CEP97: variants seen among roughly 807,000 people sequenced by gnomAD.
CEP97 encodes centrosomal protein 97.
Under a neutral mutation model 73.1 loss-of-function variants are expected in CEP97, and 43 were observed. The ratio of observed to expected loss-of-function variants is 0.59; its 90% confidence interval spans 0.46 to 0.76. CEP97 has a LOEUF of 0.76. CEP97 is among the 30% of genes least tolerant of loss of function. The pLI is 0.00. For synonymous variants in CEP97, 337 were observed against 370.0 expected, an observed-to-expected ratio of 0.91 and a Z score of 1.02; for missense variants, 939 against 1,014.0, an observed-to-expected ratio of 0.93 and a Z score of 1.00.
chr3:101,732,637 GA>G lies in CEP97; in HGVS notation c.712del (p.Ile238PhefsTer7). 1 of 1,606,238 alleles carries G rather than the reference GA, an allele frequency of 6.2e-7. No individual in the cohort carries two copies. Among genetic ancestry groups the G allele is most frequent in the Non-Finnish European group, 8.5e-7 (1 of 1,175,208 alleles). On this transcript the variant is annotated frameshift_variant, in exon 6 of 11. Transcript: ENST00000341893. LOFTEE classifies it high-confidence loss of function. The part of the protein sequence containing the change: ...LNLRVLDGYV[I>X]SQKESLKAEW... The stretch of plus-strand genomic sequence containing the variant: ...ACCTCAGAGTCCTAGATGGATATGT[GA>G]TTTCTCAGAAGGAAAGGTAAACATG...
intron 4 of CEP97, among the ~76,000 whole-genome samples, chr3:101,729,138 G>A (rs946818542): frequency 7.2e-5 from 11 of 152,108 alleles, no homozygotes; most frequent in Non-Finnish European, 7.4e-5. Flanking sequence ...GAGCTCAGAA[G>A]TTCAAGACTA....
intron 6 of CEP97, among the ~76,000 whole-genome samples, chr3:101,747,322 C>T (rs578145551): frequency 9.4e-5 from 14 of 148,950 alleles, no homozygotes; most frequent in African/African-American, 1.5e-4. Flanking sequence ...TGCAGTGGCA[C>T]GATCTCGGCT....
intron 4 of CEP97, among the ~76,000 whole-genome samples, chr3:101,730,708 A>G (rs1938082842): frequency 6.6e-6 from 1 of 152,168 alleles, no homozygotes; most frequent in Non-Finnish European, 1.5e-5. Flanking sequence ...TGTATCATGC[A>G]GTCAAATAAG....
At chr3:101,748,627 T>C (rs753737938) in intron 6 of CEP97, among the ~76,000 whole-genome samples, 12 of 152,164 alleles carry the variant, frequency 7.9e-5, no homozygotes, top group Non-Finnish European at 1.5e-4. Context: ...TCCACAGGGA[T>C]GTTTCCATGG....
At chr3:101,751,361 G>T (rs1055309871) in intron 6 of CEP97, among the ~76,000 whole-genome samples, 2 of 152,130 alleles carry the variant, frequency 1.3e-5, no homozygotes, top group Non-Finnish European at 2.9e-5. Flanking sequence ...AATAGGTGTG[G>T]TGTGGTGCTG....
chr3:101,762,610 T>TATATTCATTGAG, intron 10 of CEP97, 50 bp downstream of exon 10: 1 of 1,374,052 alleles, frequency 7.3e-7, no homozygotes, highest in Non-Finnish European at 1.0e-6. Context: ...ATACAGATTC[T>TATATTCATTGAG]ATATTCATTG....
chr3:101,758,470 G>A, intron 9 of CEP97, 47 bp downstream of exon 9: 1 of 1,598,178 alleles, frequency 6.3e-7, no homozygotes, highest in South Asian at 1.1e-5. Flanking sequence ...GTTTGAGGGT[G>A]TTAGATTCTT....
chr3:101,735,825 C>T (rs2107142167), intron 6 of CEP97, among the ~76,000 whole-genome samples: 1 of 152,190 alleles, frequency 6.6e-6, no homozygotes, highest in African/African-American at 2.4e-5. Flanking sequence ...CCCAGTGGCG[C>T]CTGGAACACC....
chr3:101,749,791 T>G (rs1183140913), intron 6 of CEP97, among the ~76,000 whole-genome samples: 1 of 142,802 alleles, frequency 7.0e-6, no homozygotes, highest in Non-Finnish European at 1.5e-5. Context: ...CATAAATGTC[T>G]TCTTTTGAGA....
chr3:101,724,645 C>T lies in CEP97; in HGVS notation c.-32C>T, dbSNP rs769300227. ...CAAGCTCCACAGAGCCGCGGGAGGA[C>T]GGTTGCCTGGTATTATTAGCAAGCA... On this transcript the variant is annotated 5_prime_UTR_variant, in exon 1 of 11. In the 5' UTR this introduces an upstream ATG that the reference lacks. Coordinates refer to ENST00000341893, the MANE Select transcript of CEP97 (RefSeq NM_024548.4). 6.8e-6 allele frequency: 11 copies of T among 1,613,806 alleles called. No homozygotes were observed. Among genetic ancestry groups the T allele is most frequent in the South Asian group, 3.3e-5 (3 of 91,062 alleles).
intron 6 of CEP97, among the ~76,000 whole-genome samples, chr3:101,750,647 G>GT (rs1362255072): frequency 2.0e-5 from 3 of 152,186 alleles, no homozygotes; most frequent in Non-Finnish European, 4.4e-5. Context: ...TTGGGAGGGT[G>GT]TATGTGTCGA....
Position 101,733,623 on chromosome 3 carries a change from C to T in CEP97, c.728+969C>T, listed in dbSNP as rs1028987769. Among the ~76,000 whole-genome samples, 95 of 151,086 alleles carry T rather than the reference C, an allele frequency of 6.3e-4. 1 individual carries two copies. Among genetic ancestry groups the T allele is most frequent in the African/African-American group, 2.2e-3 (90 of 41,310 alleles). On this transcript the variant is annotated intron_variant, in intron 6 of 10. Transcript: ENST00000341893. ...TCGGCTCACTGCAAGCTCCGCCTCCCGGGTTCACGCCATTCTCCTGCCTCA... is the reference window on the plus strand; with the variant it reads ...TCGGCTCACTGCAAGCTCCGCCTCCTGGGTTCACGCCATTCTCCTGCCTCA...
intron 3 of CEP97, among the ~76,000 whole-genome samples, 196 bp downstream of exon 3, chr3:101,727,737 T>G (rs1241844792): frequency 6.6e-6 from 1 of 152,204 alleles, no homozygotes; most frequent in Non-Finnish European, 1.5e-5. Flanking sequence ...GAACAAAGAA[T>G]CTATATTGTA....
intron 6 of CEP97, among the ~76,000 whole-genome samples, chr3:101,743,430 C>T (rs1938516975): frequency 6.6e-6 from 1 of 151,860 alleles, no homozygotes; most frequent in Non-Finnish European, 1.5e-5. Flanking sequence ...GAGTGTTGCT[C>T]TGTTTCCCAG....
At chr3:101,758,603 TATCTCCTCATCTCCATCC>T in intron 9 of CEP97, 180 bp downstream of exon 9, 1 of 665,166 alleles carries the variant, frequency 1.5e-6, no homozygotes, top group Non-Finnish European at 2.5e-6. Flanking sequence ...CTATCTGCTC[TATCTCCTCATCTCCATCC>T]CCAGCAAAGC....
chr3:101,747,487 C>T (rs1938659096), intron 6 of CEP97, among the ~76,000 whole-genome samples: 1 of 151,640 alleles, frequency 6.6e-6, no homozygotes, highest in Non-Finnish European at 1.5e-5. Flanking sequence ...TCTCGATCTC[C>T]TGACCTTGTG....
At position 101,724,625 on chromosome 3, in the gene CEP97, T is replaced by G. The variant is rs1388279723; in HGVS notation, c.-52T>G. 2 of 1,609,596 alleles carry G rather than the reference T, an allele frequency of 1.2e-6. No homozygotes were observed. Among genetic ancestry groups the G allele is most frequent in the East Asian group, 4.5e-5 (2 of 44,868 alleles). On this transcript the variant is annotated 5_prime_UTR_variant, in exon 1 of 11. Transcript: ENST00000341893. ...CGGCTCCCTCCTTCAGATTACAAGC[T>G]CCACAGAGCCGCGGGAGGACGGTTG...
At chr3:101,760,415 C>T (rs987570692) in intron 9 of CEP97, among the ~76,000 whole-genome samples, 1 of 152,266 alleles carries the variant, frequency 6.6e-6, no homozygotes, top group Non-Finnish European at 1.5e-5. Flanking sequence ...CTGCTCTGGT[C>T]TGATTCAGGC....
chr3:101,725,620 A>G (rs1387962709), intron 1 of CEP97, among the ~76,000 whole-genome samples: 1 of 152,182 alleles, frequency 6.6e-6, no homozygotes, highest in African/African-American at 2.4e-5. Context: ...GACTCCTCAC[A>G]TGCTAAGAGC....
Sources: gnomAD v4.1 joint callset for allele counts (sites outside exome capture counted in the v4.1 genomes callset) on GRCh38, gnomAD v4.1.1 for gene constraint, MANE v1.5 for transcripts, NCBI Gene and HGNC (gene_info 2026-07-23, HGNC 2026-07-21) for gene names.